The following FGF12 variants were observed in gnomAD, a reference collection of about 807,000 sequenced individuals.
FGF12 encodes fibroblast growth factor 12B.
In FGF12, 14 loss-of-function variants were observed where a neutral mutation model predicts 23.6. The observed-to-expected ratio is 0.59, with a 90% CI of 0.39 to 0.93. The LOEUF (loss-of-function observed/expected upper bound fraction) is 0.93. Ranked by LOEUF, FGF12 falls within the 40% of genes least tolerant of loss-of-function variation. The pLI is 0.00. For synonymous variants in FGF12, 62 were observed against 77.3 expected (o/e 0.80, Z 1.04); for missense variants, 175 against 217.8 (o/e 0.80, Z 1.24).
At chr3:192,662,184 G>A (rs1995472) in intron 2 of FGF12, among the ~76,000 whole-genome samples, 74,574 of 152,024 alleles carry the variant, frequency 0.49, 18,572 homozygotes, top group East Asian at 0.52. Flanking sequence ...GAGTAATAGC[G>A]ACTGCCTTCA....
intron 2 of FGF12, among the ~76,000 whole-genome samples, chr3:192,435,934 T>G (rs1722010587): frequency 1.3e-5 from 2 of 152,234 alleles, no homozygotes; most frequent in South Asian, 4.1e-4. Context: ...TTAAAAAGAA[T>G]ATTTATTTTG....
chr3:192,592,459 T>A (rs1485802597), intron 2 of FGF12, among the ~76,000 whole-genome samples: 2 of 151,840 alleles, frequency 1.3e-5, no homozygotes, highest in African/African-American at 2.4e-5. Context: ...CACAGATCCT[T>A]CTTTTCTGCT....
At chr3:192,699,784 T>A (rs1718235458) in intron 2 of FGF12, among the ~76,000 whole-genome samples, 1 of 152,178 alleles carries the variant, frequency 6.6e-6, no homozygotes, top group Non-Finnish European at 1.5e-5. Context: ...AGCCCTGATG[T>A]AAGGCTTGAT....
chr3:192,660,519 AAAAG>A (rs1358135455), intron 2 of FGF12, among the ~76,000 whole-genome samples: 534 of 152,188 alleles, frequency 3.5e-3, no homozygotes, highest in Non-Finnish European at 5.7e-3. Flanking sequence ...AAAAAAAAAA[AAAAG>A]AAAGAAATTC....
At chr3:192,711,290 G>A (rs1159398813) in intron 2 of FGF12, among the ~76,000 whole-genome samples, 1 of 127,242 alleles carries the variant, frequency 7.9e-6, no homozygotes, top group East Asian at 3.0e-4. Context: ...GGGAGGTGGG[G>A]GGCAGCCCCC....
At chr3:192,721,287 T>A (rs1434887358) in intron 2 of FGF12, among the ~76,000 whole-genome samples, 1 of 152,224 alleles carries the variant, frequency 6.6e-6, no homozygotes, top group East Asian at 1.9e-4. Context: ...GCATGAGTTT[T>A]ATTTCATAAT....
At chr3:192,373,751 G>A (rs1719348863) in intron 2 of FGF12, among the ~76,000 whole-genome samples, 1 of 152,148 alleles carries the variant, frequency 6.6e-6, no homozygotes, top group African/African-American at 2.4e-5. Flanking sequence ...ATGATGGACT[G>A]TGACATAGAG....
At chr3:192,171,480 C>A (rs1180020225) in intron 4 of FGF12, among the ~76,000 whole-genome samples, 1 of 152,170 alleles carries the variant, frequency 6.6e-6, no homozygotes, top group African/African-American at 2.4e-5. Flanking sequence ...GTCTCTCAGG[C>A]TCACCTTTTC....
intron 4 of FGF12, among the ~76,000 whole-genome samples, chr3:192,297,795 C>T (rs1715127164): frequency 6.6e-6 from 1 of 152,102 alleles, no homozygotes; most frequent in Non-Finnish European, 1.5e-5. Flanking sequence ...GTTAGCAGTG[C>T]TGTTTTGATA....
intron 2 of FGF12, among the ~76,000 whole-genome samples, chr3:192,439,466 C>A (rs943106788): frequency 3.3e-5 from 5 of 152,186 alleles, no homozygotes; most frequent in African/African-American, 1.2e-4. Context: ...TCAGAATCGT[C>A]CCATTTTTCT....
chr3:192,300,501 G>A (rs1329987939), intron 4 of FGF12, among the ~76,000 whole-genome samples: 2 of 152,036 alleles, frequency 1.3e-5, no homozygotes, highest in African/African-American at 4.8e-5. Flanking sequence ...AGGTCCTGGG[G>A]GAAGCATGGT....
At position 192,636,893 on chromosome 3, in the gene FGF12, G is replaced by T. The variant is rs143335919; in HGVS notation, c.13+90288C>A. 2.1e-3 allele frequency among the ~76,000 whole-genome samples: 327 copies of T among 152,296 alleles called. 3 individuals carry two copies. The highest frequency in any genetic ancestry group is 4.6e-3 in the African/African-American group (193 of 41,562). ...AGGGTACTAAGAAAGGCCATGAGAG[G>T]AGAAGGGCAATGGCAATGAAGAGAG... On this transcript the variant is annotated intron_variant, in intron 2 of 5. Coordinates refer to ENST00000445105, the MANE Select transcript of FGF12 (RefSeq NM_004113.6).
At chr3:192,184,761 T>C (rs1279458540) in intron 4 of FGF12, among the ~76,000 whole-genome samples, 16 of 152,230 alleles carry the variant, frequency 1.1e-4, no homozygotes, top group Non-Finnish European at 1.8e-4. Context: ...TTGCAGACCC[T>C]ACAAAAATGG....
At chr3:192,260,520 A>G (rs1043330273) in intron 4 of FGF12, among the ~76,000 whole-genome samples, 9 of 152,184 alleles carry the variant, frequency 5.9e-5, no homozygotes, top group Non-Finnish European at 1.3e-4. Context: ...ATACCATAAT[A>G]CAACCCGCGT....
At chr3:192,620,743 C>T (rs1481709482) in intron 2 of FGF12, among the ~76,000 whole-genome samples, 1 of 152,050 alleles carries the variant, frequency 6.6e-6, no homozygotes, top group East Asian at 1.9e-4. Context: ...TGTCATGTAC[C>T]CAGCTGTGAG....
intron 2 of FGF12, among the ~76,000 whole-genome samples, chr3:192,458,254 A>T (rs1170574603): frequency 6.6e-6 from 1 of 152,132 alleles, no homozygotes; most frequent in Non-Finnish European, 1.5e-5. Context: ...ACTGCCTAGT[A>T]GAGCTGTGAG....
In FGF12 at chr3:192,562,919, C is replaced by T. The variant is rs143127180; in HGVS notation, c.13+164262G>A. Reference sequence around the variant, plus strand: ...GAACGTTCTCTATCAAGCATTCACACGGATTTCCCATACTGAAACCAACAC... The same window carrying T: ...GAACGTTCTCTATCAAGCATTCACATGGATTTCCCATACTGAAACCAACAC... On this transcript the variant is annotated intron_variant, in intron 2 of 5. Coordinates refer to ENST00000445105, the MANE Select transcript of FGF12 (RefSeq NM_004113.6). 1.9e-4 allele frequency among the ~76,000 whole-genome samples: 29 copies of T among 152,234 alleles called. No homozygotes were observed. In the East Asian group the frequency reaches 4.3e-3, roughly 22 times the overall value.
At chr3:192,171,609 T>C (rs1715563457) in intron 4 of FGF12, among the ~76,000 whole-genome samples, 1 of 152,200 alleles carries the variant, frequency 6.6e-6, no homozygotes, top group African/African-American at 2.4e-5. Flanking sequence ...TCTCCCCTTC[T>C]GAGATCAGCA....
At chr3:192,244,293 T>C (rs1418476764) in intron 4 of FGF12, among the ~76,000 whole-genome samples, 1 of 152,094 alleles carries the variant, frequency 6.6e-6, no homozygotes, top group Non-Finnish European at 1.5e-5. Flanking sequence ...AGGCAAACTT[T>C]CAGAAATATG....
Sources: gnomAD v4.1 joint callset for allele counts (sites outside exome capture counted in the v4.1 genomes callset) on GRCh38, gnomAD v4.1.1 for gene constraint, MANE v1.5 for transcripts, NCBI Gene and HGNC (gene_info 2026-07-23, HGNC 2026-07-21) for gene names.